MYO16: variants seen among roughly 807,000 people sequenced by gnomAD.
MYO16 encodes myosin XVI, also known as unconventional myosin-XVI.
MYO16 carries 94 observed loss-of-function variants against 205.3 expected under a neutral mutation model. The ratio of observed to expected loss-of-function variants is 0.46; its 90% CI spans 0.39 to 0.54. The LOEUF (loss-of-function observed/expected upper bound fraction) is 0.54, where lower values mean the gene tolerates loss of function less well. Ranked by LOEUF, MYO16 falls within the 20% of genes least tolerant of loss-of-function variation. The pLI is 0.00. For missense variants in MYO16, 2,315 were observed against 2,387.5 expected (o/e 0.97, Z 0.63); for synonymous variants, 988 against 954.0 (o/e 1.04, Z -0.66).
chr13:108,681,648 C>T (rs1330025132), intron 2 of MYO16, among the ~76,000 whole-genome samples: 2 of 151,732 alleles, frequency 1.3e-5, no homozygotes, highest in African/African-American at 2.4e-5. Flanking sequence ...CTTGTTATTA[C>T]TCTGCTAGTA....
intron 7 of MYO16, among the ~76,000 whole-genome samples, chr13:108,812,250 A>G (rs1447458515): frequency 1.3e-5 from 2 of 152,174 alleles, no homozygotes; most frequent in Non-Finnish European, 2.9e-5. Flanking sequence ...TCATAAACAC[A>G]GCCTTACCAC....
intron 16 of MYO16, among the ~76,000 whole-genome samples, chr13:108,914,563 T>C (rs1881405199): frequency 1.3e-5 from 2 of 152,200 alleles, no homozygotes; most frequent in Non-Finnish European, 2.9e-5. Flanking sequence ...AAAATATACA[T>C]GCATCAGTAA....
intron 9 of MYO16, among the ~76,000 whole-genome samples, chr13:108,833,341 T>C (rs1372194848): frequency 1.3e-5 from 2 of 152,102 alleles, no homozygotes; most frequent in African/African-American, 2.4e-5. Flanking sequence ...CTCTTTCATT[T>C]AATATTAATA....
intron 17 of MYO16, among the ~76,000 whole-genome samples, chr13:108,959,414 A>T (rs1183625167): frequency 2.0e-5 from 3 of 152,236 alleles, no homozygotes; most frequent in Non-Finnish European, 4.4e-5. Flanking sequence ...GCCTGGAAAC[A>T]GGGCTTTGAA....
intron 23 of MYO16, among the ~76,000 whole-genome samples, chr13:109,043,989 G>T (rs1370283198): frequency 6.6e-6 from 1 of 152,214 alleles, no homozygotes; most frequent in Non-Finnish European, 1.5e-5. Context: ...GCATTATCAA[G>T]AGGTGAATTG....
At position 108,712,526 on chromosome 13, in the gene MYO16, C is replaced by T. The variant is rs1452238228; in HGVS notation, c.293-135C>T. The stretch of plus-strand genomic sequence containing the variant: ...CACCAATCATCATAATAAATAGGGT[C>T]AGATGGCACAGAAGCCGTAGTCTTT... On this transcript the variant is annotated intron_variant, in intron 2 of 34. Coordinates refer to ENST00000457511, the MANE Select transcript of MYO16 (RefSeq NM_001198950.3). 5.4e-6 allele frequency: 4 copies of T among 741,292 alleles called. No homozygotes were observed. In the South Asian group the frequency reaches 6.0e-5, roughly 11 times the overall value. The allele number at this position is 741,292 out of a possible 1,614,324, so 45.9% of individuals were successfully genotyped here.
chr13:108,549,414 T>C, the MYO16 span, among the ~76,000 whole-genome samples: 1 of 64,900 alleles, frequency 1.5e-5, no homozygotes, highest in Non-Finnish European at 6.0e-5. Flanking sequence ...ACACCGTTTC[T>C]GTATTTTTTT....
At chr13:108,773,335 T>G (rs983879795) in intron 4 of MYO16, among the ~76,000 whole-genome samples, 1 of 152,192 alleles carries the variant, frequency 6.6e-6, no homozygotes, top group African/African-American at 2.4e-5. Context: ...TACCACAAAC[T>G]AGATGGCTTC....
chr13:108,711,179 T>G (rs1171641774), intron 2 of MYO16, among the ~76,000 whole-genome samples: 1 of 152,334 alleles, frequency 6.6e-6, no homozygotes, highest in South Asian at 2.1e-4. Context: ...AAGATGGCCT[T>G]GGCCTCCTCA....
chr13:109,183,068 T>C (rs1019159040), intron 34 of MYO16, among the ~76,000 whole-genome samples: 1 of 152,222 alleles, frequency 6.6e-6, no homozygotes, highest in African/African-American at 2.4e-5. Context: ...GTTATAGTAT[T>C]TTATAGTAGC....
intron 17 of MYO16, among the ~76,000 whole-genome samples, 155 bp downstream of exon 17, chr13:108,957,954 C>G (rs1458842294): frequency 6.6e-6 from 1 of 152,042 alleles, no homozygotes; most frequent in Non-Finnish European, 1.5e-5. Flanking sequence ...ATCCCTGCCT[C>G]CTAGAGCTGA....
intron 1 of MYO16, among the ~76,000 whole-genome samples, chr13:108,643,375 C>T (rs777204168): frequency 3.3e-5 from 5 of 152,070 alleles, no homozygotes; most frequent in South Asian, 2.1e-4. Flanking sequence ...GGTGTGGATG[C>T]GCCATGGTTT....
Position 108,666,113 on chromosome 13 carries a change from C to G in MYO16, c.256C>G (p.Leu86Val). Residue 86 changes from leucine (L) to valine (V), a missense_variant, in exon 2 of 35, where the codon CTA becomes GTA. Leu to Val is a conservative substitution (Grantham distance 32). Around this residue, in one of 3 missense-constraint regions of MYO16, gnomAD observed 1,213 missense variants for 1,274.4 expected, o/e 0.95. Coordinates refer to ENST00000457511, the MANE Select transcript of MYO16 (RefSeq NM_001198950.3). ...PKVHFNLTDM[L>V]QDAIIHHNDK... The stretch of plus-strand genomic sequence containing the variant: ...AGTTCACTTCAACCTCACGGACATG[C>G]TACAGGACGCGATTATCCACCACAA... 6.2e-6 allele frequency: 10 copies of G among 1,612,982 alleles called. No individual in the cohort carries two copies. The highest frequency in any genetic ancestry group is 8.5e-6 in the Non-Finnish European group (10 of 1,179,078).
chr13:108,831,841 A>G (rs1367668632), intron 9 of MYO16, among the ~76,000 whole-genome samples: 1 of 152,194 alleles, frequency 6.6e-6, no homozygotes, highest in Non-Finnish European at 1.5e-5. Flanking sequence ...ATAACAGAGC[A>G]GGAAGCTAGA....
At chr13:108,612,018 C>A (rs953221765) in intron 1 of MYO16, among the ~76,000 whole-genome samples, 1 of 144,636 alleles carries the variant, frequency 6.9e-6, no homozygotes, top group Non-Finnish European at 1.5e-5. Context: ...CTCTGTCGCC[C>A]AGGCTGGAAG....
intron 16 of MYO16, among the ~76,000 whole-genome samples, chr13:108,956,382 C>T (rs1371987072): frequency 6.6e-6 from 1 of 152,146 alleles, no homozygotes; most frequent in Non-Finnish European, 1.5e-5. Context: ...CCACACACTC[C>T]CCTTACTTGC....
At chr13:108,621,155 C>T (rs981425144) in intron 1 of MYO16, among the ~76,000 whole-genome samples, 21 of 152,186 alleles carry the variant, frequency 1.4e-4, no homozygotes, top group Non-Finnish European at 2.2e-4. Context: ...CCTCAAGCTT[C>T]GGGTGCCTGC....
chr13:108,577,870 C>A, the MYO16 span, among the ~76,000 whole-genome samples: 1 of 152,136 alleles, frequency 6.6e-6, no homozygotes, highest in African/African-American at 2.4e-5. Flanking sequence ...TACCCCACCC[C>A]GATATCTCCT....
chr13:109,114,851 A>G (rs2139746463), intron 28 of MYO16, among the ~76,000 whole-genome samples: 1 of 152,304 alleles, frequency 6.6e-6, no homozygotes, highest in East Asian at 1.9e-4. Flanking sequence ...GAGTAAACTA[A>G]ATTAAGTGAC....
Sources: allele counts gnomAD v4.1 joint callset (sites outside exome capture counted in the v4.1 genomes callset), GRCh38; gene constraint gnomAD v4.1.1; regional missense constraint gnomAD v4.1.1; transcripts MANE v1.5; gene names NCBI Gene and HGNC (gene_info 2026-07-23, HGNC 2026-07-21).